The following TYW1 variants were observed in gnomAD, a reference collection of about 807,000 sequenced individuals.
The protein encoded by TYW1 is tRNA-yW synthesizing protein 1 homolog.
In TYW1, 46 loss-of-function variants were observed where a neutral mutation model predicts 96.2. The ratio of observed to expected loss-of-function variants is 0.48; its 90% confidence interval spans 0.38 to 0.61. The LOEUF (loss-of-function observed/expected upper bound fraction) is 0.61. Among genes scored for constraint, TYW1 ranks in the 20% least tolerant of loss-of-function variants. The probability of loss-of-function intolerance (pLI) is 0.00; values close to 1 mark genes in which losing one functional copy is unlikely to be tolerated. For missense variants in TYW1, 684 were observed against 909.6 expected, an observed-to-expected ratio of 0.75 and a Z score of 3.19; for synonymous variants, 274 against 323.0, an observed-to-expected ratio of 0.85 and a Z score of 1.63.
chr7:67,020,203 G>C (rs1794198558), intron 6 of TYW1, among the ~76,000 whole-genome samples: 2 of 152,072 alleles, frequency 1.3e-5, no homozygotes, highest in South Asian at 4.1e-4. Context: ...AAAATAGTGA[G>C]ACCCTGTTTC....
In TYW1 at chr7:67,067,319, A is replaced by T; in HGVS notation, c.1190A>T (p.His397Leu). The change falls in exon 10 of 16, where the codon CAC (histidine) becomes CTC (leucine). Residue 397 changes from histidine to leucine, a missense_variant. Transcript: ENST00000359626. The part of the protein sequence containing the change: ...MLRGRGGCYK[H>L]TFYGIESHRC... ...CGAGGGAGAGGAGGTTGTTACAAAC[A>T]CACATTCTATGGAATTGAGAGCCAT... 6.2e-7 allele frequency: 1 copy of T among 1,614,002 alleles called. No individual in the cohort carries two copies. Among genetic ancestry groups the T allele is most frequent in the Admixed American group, 1.7e-5 (1 of 60,012 alleles).
intron 13 of TYW1, among the ~76,000 whole-genome samples, chr7:67,157,565 T>C (rs10233967): frequency 0.26 from 39,495 of 152,182 alleles, 5,611 homozygotes; most frequent in African/African-American, 0.38. Flanking sequence ...GGATTACAGG[T>C]GTGAGCCACC....
intron 13 of TYW1, among the ~76,000 whole-genome samples, chr7:67,158,727 G>T (rs879141878): frequency 6.6e-6 from 1 of 151,962 alleles, no homozygotes; most frequent in Admixed American, 6.6e-5. Context: ...TCGCCACCAC[G>T]CCTGGCTAAT....
intron 13 of TYW1, among the ~76,000 whole-genome samples, chr7:67,149,722 A>ATATCTACCTATCTATC (rs1554376827): frequency 2.1e-5 from 3 of 140,120 alleles, no homozygotes; most frequent in Non-Finnish European, 4.7e-5. Flanking sequence ...AGGAAAAAAA[A>ATATCTACCTATCTATC]TATCTATCTA....
intron 13 of TYW1, among the ~76,000 whole-genome samples, chr7:67,157,238 C>T (rs898158994): frequency 6.6e-5 from 10 of 152,160 alleles, no homozygotes; most frequent in African/African-American, 2.2e-4. Context: ...TTATTGTTAA[C>T]GTTTTACATT....
At chr7:67,100,025 A>G (rs1257311190) in intron 12 of TYW1, among the ~76,000 whole-genome samples, 2 of 152,134 alleles carry the variant, frequency 1.3e-5, no homozygotes, top group East Asian at 3.9e-4. Context: ...ATGCTATTGA[A>G]GGATTGCTAG....
intron 9 of TYW1, 50 bp from the exon 10 acceptor site, chr7:67,067,235 T>G (rs759671945): frequency 1.9e-6 from 3 of 1,590,144 alleles, no homozygotes; most frequent in Non-Finnish European, 2.6e-6. Flanking sequence ...GTGGTTTGTT[T>G]CTGTGCTTTG....
chr7:67,019,423 C>A (rs1794152956), intron 6 of TYW1, among the ~76,000 whole-genome samples: 1 of 151,998 alleles, frequency 6.6e-6, no homozygotes, highest in African/African-American at 2.4e-5. Flanking sequence ...GTCTCGAACT[C>A]CTGACCTCAG....
chr7:66,998,771 A>G, intron 2 of TYW1, 46 bp from the exon 3 acceptor site: 3 of 1,604,430 alleles, frequency 1.9e-6, no homozygotes, highest in South Asian at 1.1e-5. Flanking sequence ...TGAAGTTGGG[A>G]AACGATTTAG....
intron 8 of TYW1, 117 bp downstream of exon 8, chr7:67,050,183 C>T: frequency 8.3e-7 from 1 of 1,211,444 alleles, no homozygotes; most frequent in East Asian, 2.3e-5. Context: ...GCAGATATAA[C>T]AGTCTAAAGA....
chr7:67,055,170 A>G (rs888506714), intron 8 of TYW1, among the ~76,000 whole-genome samples: 1 of 152,184 alleles, frequency 6.6e-6, no homozygotes, highest in Non-Finnish European at 1.5e-5. Flanking sequence ...TGATGAGTGC[A>G]GGGCTCTGTA....
At chr7:67,091,715 A>G (rs1297573244) in intron 11 of TYW1, among the ~76,000 whole-genome samples, 1 of 152,194 alleles carries the variant, frequency 6.6e-6, no homozygotes, top group Non-Finnish European at 1.5e-5. Context: ...AAATAGAAAC[A>G]TGCTCTTATG....
At position 67,187,052 on chromosome 7, in the gene TYW1, ATTTTTTTTTTT is replaced by A. The variant is rs750086247; in HGVS notation, c.1809+3835_1809+3845del. Among the ~76,000 whole-genome samples the A allele has an allele frequency of 4.4e-3, 443 of 100,948 alleles. 6 individuals are homozygous for A. Among genetic ancestry groups the A allele is most frequent in the African/African-American group, 0.015 (421 of 28,556 alleles). The allele number at this position is 100,948 out of a possible 152,430, so 66.2% of individuals were successfully genotyped here. Reference sequence around the variant, plus strand: ...TGGAGAAATGTATAACCACAATTAAATTTTTTTTTTTTTTTTTTTTTTTTTTTTTGAGATAG... The same window carrying A: ...TGGAGAAATGTATAACCACAATTAAATTTTTTTTTTTTTTTTTTGAGATAG... On this transcript the variant is annotated intron_variant, in intron 14 of 15. Transcript: ENST00000359626.
At chr7:67,223,235 T>C (rs1178944421) in intron 15 of TYW1, among the ~76,000 whole-genome samples, 2 of 152,192 alleles carry the variant, frequency 1.3e-5, no homozygotes, top group African/African-American at 2.4e-5. Context: ...TATCACTGTT[T>C]CTTTGTGTGC....
chr7:67,125,903 C>G (rs191367081), intron 13 of TYW1, among the ~76,000 whole-genome samples: 1 of 152,266 alleles, frequency 6.6e-6, no homozygotes, highest in East Asian at 1.9e-4. Context: ...ATGGATAGTT[C>G]ATCTCTTTTT....
chr7:67,199,222 A>C (rs1428017995), intron 15 of TYW1, among the ~76,000 whole-genome samples: 1 of 152,060 alleles, frequency 6.6e-6, no homozygotes, highest in Non-Finnish European at 1.5e-5. Flanking sequence ...AAATAAAAGA[A>C]ATGGTTTTTG....
chr7:66,998,375 T>C (rs999747770), intron 2 of TYW1, among the ~76,000 whole-genome samples, 180 bp downstream of exon 2: 3 of 152,216 alleles, frequency 2.0e-5, no homozygotes, highest in African/African-American at 7.2e-5. Flanking sequence ...ATTAAGTTCT[T>C]TACTTTTTCT....
chr7:67,039,209 T>C (rs1021891475), intron 7 of TYW1, among the ~76,000 whole-genome samples: 18 of 151,780 alleles, frequency 1.2e-4, no homozygotes, highest in African/African-American at 3.6e-4. Context: ...GTAATCCCAG[T>C]CCTTTGGGAG....
chr7:67,017,780 G>A lies in TYW1; in HGVS notation c.571-73G>A, dbSNP rs1378860985. The A allele has an allele frequency of 3.9e-6, 6 of 1,532,984 alleles. No homozygotes were observed. In the East Asian group the frequency reaches 1.1e-4, roughly 29 times the overall value. 95.0% of individuals were successfully genotyped at this position (1,532,984 alleles called of 1,614,324 possible). ...ACCAGGGGCCTCGGAAGGACTTTGG[G>A]CTTTTGCAGAGCAGTCTGGAAAACC... On this transcript the variant is annotated intron_variant, in intron 5 of 15. Coordinates refer to ENST00000359626, the MANE Select transcript of TYW1 (RefSeq NM_018264.4).
Sources: allele counts gnomAD v4.1 joint callset (sites outside exome capture counted in the v4.1 genomes callset), GRCh38; gene constraint gnomAD v4.1.1; transcripts MANE v1.5; gene names NCBI Gene and HGNC (gene_info 2026-07-23, HGNC 2026-07-21).